Variants in NRCAM observed in about 807,000 individuals in gnomAD.
The protein encoded by NRCAM is NgCAM-related cell adhesion molecule.
NRCAM carries 83 observed loss-of-function variants against 156.5 expected under a neutral mutation model. The observed-to-expected ratio is 0.53, with a 90% CI of 0.44 to 0.64. NRCAM has a LOEUF of 0.64. NRCAM is among the 30% of genes least tolerant of loss of function. The pLI is 0.00. For synonymous variants in NRCAM, 538 were observed against 563.9 expected, an observed-to-expected ratio of 0.95 and a Z score of 0.65; for missense variants, 1,417 against 1,597.3, an observed-to-expected ratio of 0.89 and a Z score of 1.92.
chr7:108,438,179 A>C (rs1309435185), intron 1 of NRCAM, among the ~76,000 whole-genome samples: 1 of 152,126 alleles, frequency 6.6e-6, no homozygotes, highest in East Asian at 1.9e-4. Context: ...CACAATCTAT[A>C]AGGCCAGTTT....
chr7:108,315,766 T>A (rs919964401), intron 2 of NRCAM, among the ~76,000 whole-genome samples: 4 of 152,172 alleles, frequency 2.6e-5, no homozygotes, highest in African/African-American at 9.7e-5. Flanking sequence ...AGCAAGAAAC[T>A]TGCAGGTGAA....
intron 2 of NRCAM, among the ~76,000 whole-genome samples, chr7:108,388,501 C>T (rs1349204597): frequency 6.6e-6 from 1 of 152,126 alleles, no homozygotes; most frequent in Non-Finnish European, 1.5e-5. Context: ...TTCTCCCATT[C>T]TGTAGGTTGC....
At chr7:108,421,995 A>T (rs1810585279) in intron 1 of NRCAM, among the ~76,000 whole-genome samples, 1 of 152,210 alleles carries the variant, frequency 6.6e-6, no homozygotes, top group Non-Finnish European at 1.5e-5. Flanking sequence ...CATACAGTGG[A>T]ACAGTAGTCA....
chr7:108,167,253 GAAAATATCCTCAAAGA>G (rs1412477401), intron 29 of NRCAM, among the ~76,000 whole-genome samples, 180 bp from the exon 30 acceptor site: 2 of 152,126 alleles, frequency 1.3e-5, no homozygotes, highest in Non-Finnish European at 1.5e-5. Context: ...TGACCTACAG[GAAAATATCCTCAAAGA>G]AAAATAGACT....
chr7:108,355,459 A>C (rs779794384), intron 2 of NRCAM, among the ~76,000 whole-genome samples: 1 of 152,242 alleles, frequency 6.6e-6, no homozygotes, highest in Non-Finnish European at 1.5e-5. Flanking sequence ...ATGCTGTATG[A>C]TTTATAAAGA....
chr7:108,268,663 G>C (rs1430203716), intron 3 of NRCAM, among the ~76,000 whole-genome samples: 1 of 150,366 alleles, frequency 6.7e-6, no homozygotes, highest in African/African-American at 2.4e-5. Context: ...GCGGGAAGAG[G>C]ACATGCAATG....
intron 1 of NRCAM, among the ~76,000 whole-genome samples, chr7:108,408,662 A>G (rs957690831): frequency 1.3e-5 from 2 of 152,214 alleles, no homozygotes; most frequent in Non-Finnish European, 2.9e-5. Context: ...ATTAGCTCAC[A>G]TATGTCTTTA....
rs754607061 is a variant in NRCAM at position 108,184,208 on chromosome 7, A to G, written c.2304+33T>C. The G allele has an allele frequency of 5.2e-5, 81 of 1,571,392 alleles. 5 individuals are homozygous for G. The Middle Eastern group carries it at 5.0e-3, about 97-fold the overall frequency. ...AACAACTTTTTTTTCACTCTAAAAAATAGCGAATAAATTTGAAGGCATCAT... is the reference window on the plus strand; with the variant it reads ...AACAACTTTTTTTTCACTCTAAAAAGTAGCGAATAAATTTGAAGGCATCAT... On this transcript the variant is annotated intron_variant, in intron 22 of 32. Transcript: ENST00000379028.
In NRCAM at chr7:108,337,363, C is replaced by G. The variant is rs1246256333; in HGVS notation, c.-173-24632G>C. ...TTAAATCTTGCAACTGCACACTCTT[C>G]TGGTCCATGTTTGTTACGGCTCGAG... On this transcript the variant is annotated intron_variant, in intron 2 of 32. Coordinates refer to ENST00000379028, the MANE Select transcript of NRCAM (RefSeq NM_001037132.4). Among the ~76,000 whole-genome samples, 3 of 152,216 alleles carry G rather than the reference C, an allele frequency of 2.0e-5. No individual in the cohort carries two copies. The East Asian group carries it at 5.8e-4, about 29-fold the overall frequency.
chr7:108,280,536 A>G (rs2097814930), intron 3 of NRCAM, among the ~76,000 whole-genome samples: 1 of 152,256 alleles, frequency 6.6e-6, no homozygotes, highest in African/African-American at 2.4e-5. Flanking sequence ...GCAATGAAAG[A>G]TGAAACCCTA....
chr7:108,360,765 G>C (rs551837692), intron 2 of NRCAM, among the ~76,000 whole-genome samples: 1 of 152,210 alleles, frequency 6.6e-6, no homozygotes, highest in East Asian at 1.9e-4. Context: ...TTCAACAAAT[G>C]GTGTTGGGAT....
intron 1 of NRCAM, among the ~76,000 whole-genome samples, chr7:108,414,291 T>C (rs1298526131): frequency 6.6e-6 from 1 of 152,216 alleles, no homozygotes; most frequent in African/African-American, 2.4e-5. Context: ...ACCAGCTGTA[T>C]TTCCTTGAGA....
At chr7:108,394,617 G>A (rs2099771909) in intron 2 of NRCAM, among the ~76,000 whole-genome samples, 1 of 152,170 alleles carries the variant, frequency 6.6e-6, no homozygotes. Context: ...TGATAGCAAG[G>A]AGGGGAAACA....
chr7:108,193,004 C>T (rs2072969783), intron 17 of NRCAM, among the ~76,000 whole-genome samples: 1 of 152,150 alleles, frequency 6.6e-6, no homozygotes, highest in Non-Finnish European at 1.5e-5. Context: ...GCCACCTTAA[C>T]CTGATGGTCA....
chr7:108,241,763 A>C (rs754494979), intron 3 of NRCAM, among the ~76,000 whole-genome samples: 8 of 152,178 alleles, frequency 5.3e-5, no homozygotes, highest in Non-Finnish European at 1.0e-4. Flanking sequence ...TTTGACTATG[A>C]TCTACCCAAG....
At chr7:108,165,389 T>C (rs2151732564) in intron 30 of NRCAM, among the ~76,000 whole-genome samples, 1 of 152,334 alleles carries the variant, frequency 6.6e-6, no homozygotes, top group East Asian at 1.9e-4. Context: ...CATAGGATTG[T>C]TGTAAGGACT....
rs371192168 is a variant in NRCAM at position 108,314,540 on chromosome 7, G to T, written c.-173-1809C>A. On this transcript the variant is annotated intron_variant, in intron 2 of 32. Coordinates refer to ENST00000379028, the MANE Select transcript of NRCAM (RefSeq NM_001037132.4). ...GACAGATAACATCCACGCGAAAAAT[G>T]TAAGAAACCCAAAGCCCACAGTACA... is the stretch of plus-strand genomic sequence containing the variant. Among the ~76,000 whole-genome samples the T allele has an allele frequency of 5.7e-4, 87 of 152,246 alleles. 2 individuals are homozygous for T. The South Asian group carries it at 0.017, about 29-fold the overall frequency.
At chr7:108,216,139 G>A (rs1410382492) in intron 11 of NRCAM, among the ~76,000 whole-genome samples, 2 of 152,140 alleles carry the variant, frequency 1.3e-5, no homozygotes, top group Non-Finnish European at 2.9e-5. Flanking sequence ...TTGCTTGTCT[G>A]TAAAGGATTT....
chr7:108,341,524 C>T (rs930737229), intron 2 of NRCAM, among the ~76,000 whole-genome samples: 2 of 152,130 alleles, frequency 1.3e-5, no homozygotes, highest in Non-Finnish European at 2.9e-5. Flanking sequence ...TAGGGAGAGA[C>T]ATTCTAGCAA....
Sources: gnomAD v4.1 joint callset for allele counts (sites outside exome capture counted in the v4.1 genomes callset) on GRCh38, gnomAD v4.1.1 for gene constraint, MANE v1.5 for transcripts, NCBI Gene and HGNC (gene_info 2026-07-23, HGNC 2026-07-21) for gene names.